Variants in PXDNL observed in about 807,000 individuals in gnomAD.
The protein encoded by PXDNL is peroxidasin like.
In PXDNL, 145 loss-of-function variants were observed where a neutral mutation model predicts 150.8. The ratio of observed to expected loss-of-function variants is 0.96; its 90% CI spans 0.84 to 1.10. PXDNL has a LOEUF of 1.10. PXDNL is among the 50% of genes least tolerant of loss of function. The pLI is 0.00. For missense variants in PXDNL, 2,087 were observed against 1,873.9 expected (o/e 1.11, Z -2.10); for synonymous variants, 757 against 725.7 (o/e 1.04, Z -0.69).
chr8:51,697,641 G>A (rs572463307), intron 1 of PXDNL, among the ~76,000 whole-genome samples: 186 of 152,292 alleles, frequency 1.2e-3, no homozygotes, highest in Admixed American at 3.0e-3. Context: ...TAGATTAAAA[G>A]TAGCTTAGAG....
At chr8:51,627,113 G>A (rs1405642562) in intron 2 of PXDNL, among the ~76,000 whole-genome samples, 2 of 152,116 alleles carry the variant, frequency 1.3e-5, no homozygotes, top group Admixed American at 6.6e-5. Context: ...ATATTTTCCT[G>A]AAACAAATTA....
Position 51,480,970 on chromosome 8 carries a change from G to A in PXDNL, c.524+2673C>T, listed in dbSNP as rs1810590690. On this transcript the variant is annotated intron_variant, in intron 6 of 22. Transcript: ENST00000356297. Reference sequence around the variant, plus strand: ...CAGACTAATATAATAAATTGGTACTGGGAGTGGGGCACTGCTGTAAAGATA... The same window carrying A: ...CAGACTAATATAATAAATTGGTACTAGGAGTGGGGCACTGCTGTAAAGATA... 3.3e-5 allele frequency among the ~76,000 whole-genome samples: 5 copies of A among 152,276 alleles called. No individual in the cohort carries two copies. The South Asian group carries it at 1.0e-3, about 32-fold the overall frequency.
chr8:51,346,717 C>T (rs1206657624), intron 19 of PXDNL, among the ~76,000 whole-genome samples: 2 of 152,120 alleles, frequency 1.3e-5, no homozygotes, highest in Admixed American at 1.3e-4. Flanking sequence ...CTCCCGTACT[C>T]TCTTGCTCCC....
At chr8:51,395,464 G>A (rs1287648627) in intron 17 of PXDNL, among the ~76,000 whole-genome samples, 1 of 152,116 alleles carries the variant, frequency 6.6e-6, no homozygotes, top group Non-Finnish European at 1.5e-5. Flanking sequence ...CAAGAGAAGA[G>A]GTAAGTCATT....
At chr8:51,472,789 T>C (rs1313072365) in intron 7 of PXDNL, among the ~76,000 whole-genome samples, 6 of 152,188 alleles carry the variant, frequency 3.9e-5, no homozygotes, top group Non-Finnish European at 8.8e-5. Flanking sequence ...GATTCCATCT[T>C]CCAATAATAA....
At chr8:51,652,570 C>T (rs1815065087) in intron 2 of PXDNL, among the ~76,000 whole-genome samples, 1 of 152,028 alleles carries the variant, frequency 6.6e-6, no homozygotes, top group South Asian at 2.1e-4. Flanking sequence ...TCATGAGAAA[C>T]CATATAGTCC....
chr8:51,599,658 TA>T (rs1813650988), intron 2 of PXDNL, among the ~76,000 whole-genome samples: 2 of 142,304 alleles, frequency 1.4e-5, no homozygotes, highest in Admixed American at 1.4e-4. Context: ...TATAATAAAT[TA>T]TATCTTATAT....
intron 1 of PXDNL, among the ~76,000 whole-genome samples, chr8:51,793,391 A>C (rs2129257736): frequency 6.6e-6 from 1 of 152,306 alleles, no homozygotes; most frequent in South Asian, 2.1e-4. Flanking sequence ...AAGAATCAAC[A>C]AAAAAATGCT....
chr8:51,581,198 T>A (rs1813203906), intron 3 of PXDNL, among the ~76,000 whole-genome samples: 1 of 152,118 alleles, frequency 6.6e-6, no homozygotes, highest in South Asian at 2.1e-4. Flanking sequence ...CAATCATCTG[T>A]AAGGTTGACC....
At chr8:51,364,108 C>G (rs1214372565) in intron 19 of PXDNL, among the ~76,000 whole-genome samples, 2 of 152,154 alleles carry the variant, frequency 1.3e-5, no homozygotes, top group African/African-American at 4.8e-5. Flanking sequence ...ATGTATCTTC[C>G]ACTAATAAAC....
chr8:51,737,885 G>A (rs971283026), intron 1 of PXDNL, among the ~76,000 whole-genome samples: 2 of 151,970 alleles, frequency 1.3e-5, no homozygotes, highest in South Asian at 2.1e-4. Flanking sequence ...TGTCCCTGTC[G>A]ATTTGTGAAG....
intron 2 of PXDNL, among the ~76,000 whole-genome samples, chr8:51,629,292 G>A (rs186338496): frequency 6.6e-6 from 1 of 152,258 alleles, no homozygotes; most frequent in East Asian, 1.9e-4. Context: ...TCACTAGACA[G>A]TTTCAACAGC....
At chr8:51,485,935 T>C (rs957648495) in intron 5 of PXDNL, among the ~76,000 whole-genome samples, 13 of 152,222 alleles carry the variant, frequency 8.5e-5, no homozygotes, top group African/African-American at 2.9e-4. Flanking sequence ...CAGAGTTTCA[T>C]GATGGAGAAA....
chr8:51,404,963 C>T (rs1487605694), intron 17 of PXDNL, among the ~76,000 whole-genome samples: 1 of 152,192 alleles, frequency 6.6e-6, no homozygotes, highest in African/African-American at 2.4e-5. Context: ...GGTCCGAGTC[C>T]TGCCCCGCAG....
chr8:51,419,286 A>G (rs947119957), intron 14 of PXDNL, among the ~76,000 whole-genome samples: 1 of 152,164 alleles, frequency 6.6e-6, no homozygotes, highest in African/African-American at 2.4e-5. Flanking sequence ...ATTCTGGGTC[A>G]CCTTTGCATT....
chr8:51,473,498 G>A (rs1368437422), intron 7 of PXDNL, among the ~76,000 whole-genome samples: 1 of 152,026 alleles, frequency 6.6e-6, no homozygotes, highest in African/African-American at 2.4e-5. Context: ...TCAGAATATT[G>A]TAGGCAGGAA....
chr8:51,443,164 C>T (rs1809593566), intron 12 of PXDNL, among the ~76,000 whole-genome samples: 2 of 152,078 alleles, frequency 1.3e-5, no homozygotes, highest in South Asian at 4.1e-4. Context: ...TCATTAGTTA[C>T]ATTTTTCTGT....
At chr8:51,344,071 C>A (rs1040830509) in intron 20 of PXDNL, among the ~76,000 whole-genome samples, 1 of 152,158 alleles carries the variant, frequency 6.6e-6, no homozygotes, top group Non-Finnish European at 1.5e-5. Context: ...TTGAACACAC[C>A]AACTCATTCA....
chr8:51,423,932 C>T (rs1329675189), intron 13 of PXDNL, among the ~76,000 whole-genome samples: 2 of 152,036 alleles, frequency 1.3e-5, no homozygotes, highest in Non-Finnish European at 1.5e-5. Flanking sequence ...GTTTTTCTCT[C>T]TCTCTAATTA....
Sources: allele counts gnomAD v4.1 joint callset (sites outside exome capture counted in the v4.1 genomes callset), GRCh38; gene constraint gnomAD v4.1.1; transcripts MANE v1.5; gene names NCBI Gene and HGNC (gene_info 2026-07-23, HGNC 2026-07-21).